Variants in CPD observed in about 807,000 individuals in gnomAD.
CPD encodes the protein metallocarboxypeptidase D.
Under a neutral mutation model 138.3 loss-of-function variants are expected in CPD, and 69 were observed. The ratio of observed to expected loss-of-function variants is 0.50; its 90% CI spans 0.41 to 0.61. The LOEUF (loss-of-function observed/expected upper bound fraction) is 0.61, where lower values mean the gene tolerates loss of function less well. CPD is among the 20% of genes least tolerant of loss of function. The pLI, the probability that CPD is intolerant of heterozygous loss-of-function variation, is 0.00. For missense variants in CPD, 1,432 were observed against 1,733.3 expected, an observed-to-expected ratio of 0.83 and a Z score of 3.09; for synonymous variants, 651 against 642.1, an observed-to-expected ratio of 1.01 and a Z score of -0.21.
intron 2 of CPD, among the ~76,000 whole-genome samples, chr17:30,399,297 G>T (rs981457331): frequency 5.9e-5 from 9 of 151,982 alleles, no homozygotes; most frequent in African/African-American, 1.9e-4. Flanking sequence ...TGCCATTGTT[G>T]GGTGGGGTAT....
chr17:30,454,598 C>G (rs1913242299), intron 14 of CPD: 1 of 153,616 alleles, frequency 6.5e-6, no homozygotes, highest in African/African-American at 2.4e-5. Context: ...TTACCCAGCT[C>G]CAAAGCTGCT....
chr17:30,392,042 C>T (rs2143323637), intron 2 of CPD, among the ~76,000 whole-genome samples: 1 of 145,508 alleles, frequency 6.9e-6, no homozygotes, highest in East Asian at 2.0e-4. Context: ...CAAAGTCTCA[C>T]TCTGTCACCC....
chr17:30,391,598 C>T (rs1338403007), intron 2 of CPD, among the ~76,000 whole-genome samples: 1 of 152,092 alleles, frequency 6.6e-6, no homozygotes, highest in East Asian at 1.9e-4. Flanking sequence ...AATGTAGTGG[C>T]AAAGAGAGAG....
chr17:30,395,724 T>A (rs1490101475), intron 2 of CPD, among the ~76,000 whole-genome samples: 10 of 145,134 alleles, frequency 6.9e-5, no homozygotes, highest in East Asian at 2.0e-4. Context: ...AGAGTACATT[T>A]AAAAAAAAAA....
chr17:30,456,236 C>A lies in CPD; in HGVS notation c.3338-20C>A. 1.3e-6 allele frequency: 2 copies of A among 1,582,880 alleles called. No homozygotes were observed. Among genetic ancestry groups the A allele is most frequent in the Non-Finnish European group, 1.7e-6 (2 of 1,159,166 alleles). On this transcript the variant is annotated intron_variant, in intron 15 of 20. Transcript: ENST00000225719. ...ATCATTTGGATTTCTCCACTGACTTCTAAATTTTTCTTTCTATAGTGGAAA... is the reference window on the plus strand; with the variant it reads ...ATCATTTGGATTTCTCCACTGACTTATAAATTTTTCTTTCTATAGTGGAAA...
At position 30,469,804 on chromosome 17, in the gene CPD, T is replaced by C. The variant is rs912600002; in HGVS notation, c.*4990T>C. 2 of 152,224 alleles carry C rather than the reference T, an allele frequency of 1.3e-5. No individual in the cohort carries two copies. The highest frequency in any genetic ancestry group is 2.9e-5 in the Non-Finnish European group (2 of 68,024). 9.4% of individuals were successfully genotyped at this position (152,224 alleles called of 1,614,324 possible). A position where few individuals can be genotyped will look rare whatever the true frequency, so the allele number is the denominator to read the frequency against. On this transcript the variant is annotated 3_prime_UTR_variant, in exon 21 of 21. Coordinates refer to ENST00000225719, the MANE Select transcript of CPD (RefSeq NM_001304.5). Reference sequence around the variant, plus strand: ...ACTTAACTGCTACAGGAAGTGTGAATAGTGATAACAGTTCTTTTTCTCTCA... The same window carrying C: ...ACTTAACTGCTACAGGAAGTGTGAACAGTGATAACAGTTCTTTTTCTCTCA...
intron 2 of CPD, among the ~76,000 whole-genome samples, chr17:30,388,019 A>G (rs1302013360): frequency 6.6e-6 from 1 of 152,124 alleles, no homozygotes; most frequent in Non-Finnish European, 1.5e-5. Context: ...GCACAAAGGA[A>G]CCCTGGAGTG....
chr17:30,445,428 G>T (rs1001143211), intron 11 of CPD, among the ~76,000 whole-genome samples: 1 of 152,000 alleles, frequency 6.6e-6, no homozygotes, highest in Non-Finnish European at 1.5e-5. Flanking sequence ...TGGTGCCACT[G>T]CACTCCAGCC....
chr17:30,416,292 A>G (rs561056156), intron 2 of CPD, among the ~76,000 whole-genome samples: 244 of 152,312 alleles, frequency 1.6e-3, no homozygotes, highest in Non-Finnish European at 3.0e-3. Context: ...AGATTGAGCC[A>G]TTGCACTCCA....
Position 30,422,776 on chromosome 17 carries a change from G to A in CPD, c.1410G>A (p.Thr470=), listed in dbSNP as rs760372082. The change falls in exon 5 of 21, where the codon ACG becomes ACA. Residue 470 remains threonine, a synonymous_variant. Coordinates refer to ENST00000225719, the MANE Select transcript of CPD (RefSeq NM_001304.5). ...RPTVTSVIPD[T]TEAVSTASTV... is the part of the protein sequence containing the mutation. ...CTGTAACTTCAGTAATCCCTGACAC[G>A]ACAGAGGCTGTATCAACTGCTAGCA... 2.8e-5 allele frequency: 45 copies of A among 1,613,870 alleles called. No homozygotes were observed. Among genetic ancestry groups the A allele is most frequent in the Admixed American group, 2.7e-4 (16 of 59,988 alleles).
At position 30,462,471 on chromosome 17, in the gene CPD, TAA is replaced by T; in HGVS notation, c.3916+4_3916+5del. 6.2e-7 allele frequency: 1 copy of T among 1,608,258 alleles called. No homozygotes were observed. Among genetic ancestry groups the T allele is most frequent in the South Asian group, 1.1e-5 (1 of 90,520 alleles). On this transcript the variant is annotated splice_donor_region_variant and intron_variant, in intron 20 of 20. Coordinates refer to ENST00000225719, the MANE Select transcript of CPD (RefSeq NM_001304.5). ...GGGAGCTTGTGGTAACTGTATCAGG[TAA>T]AGACATTTTGATTTTTAGTAGTAAA...
In CPD at chr17:30,443,885, T is replaced by A. The variant is rs1912946873; in HGVS notation, c.2457T>A (p.Ile819=). 1 of 1,613,890 alleles carries A rather than the reference T, an allele frequency of 6.2e-7. No homozygotes were observed. The highest frequency in any genetic ancestry group is 8.5e-7 in the Non-Finnish European group (1 of 1,179,894). ...ILNATISVAE[I]NHPVTTYKTG... ...ATGCCACCATTAGTGTTGCTGAGAT[T>A]AATCACCCAGTGACTACTTACAAAA... Residue 819 remains isoleucine (I), a synonymous_variant, in exon 11 of 21, where the codon ATT becomes ATA. Transcript: ENST00000225719.
chr17:30,395,891 T>G (rs1408164787), intron 2 of CPD, among the ~76,000 whole-genome samples: 2 of 152,118 alleles, frequency 1.3e-5, no homozygotes, highest in African/African-American at 2.4e-5. Flanking sequence ...GGAAATAGAT[T>G]TTCACAAGAT....
chr17:30,389,062 T>C (rs748327987), intron 2 of CPD, among the ~76,000 whole-genome samples: 1 of 152,170 alleles, frequency 6.6e-6, no homozygotes, highest in African/African-American at 2.4e-5. Context: ...CAGCTCCGCA[T>C]AGGGGTTCCT....
rs140017330 is a variant in CPD, at chr17:30,469,242, A to C, written c.*4428A>C. ...AAATGGAAATAGGTTATATTTCAAT[A>C]GTGATTGGTTCATCTAAAAGTCTCT... On this transcript the variant is annotated 3_prime_UTR_variant, in exon 21 of 21. Transcript: ENST00000225719. The C allele has an allele frequency of 7.7e-4, 117 of 152,350 alleles. No homozygotes were observed. Among genetic ancestry groups the C allele is most frequent in the African/African-American group, 2.7e-3 (114 of 41,584 alleles). 9.4% of individuals were successfully genotyped at this position (152,350 alleles called of 1,614,324 possible).
intron 2 of CPD, among the ~76,000 whole-genome samples, chr17:30,397,278 C>G (rs922608704): frequency 6.6e-6 from 1 of 151,994 alleles, no homozygotes; most frequent in Non-Finnish European, 1.5e-5. Context: ...ATACTTAGAG[C>G]ATTACAGTCA....
At chr17:30,386,993 T>C (rs1211128617) in intron 2 of CPD, among the ~76,000 whole-genome samples, 11 of 152,360 alleles carry the variant, frequency 7.2e-5, no homozygotes, top group Middle Eastern at 3.4e-3. Context: ...CTGGGTCAAA[T>C]GGTAATTCTA....
intron 2 of CPD, among the ~76,000 whole-genome samples, chr17:30,409,108 G>A (rs1264184917): frequency 1.0e-5 from 1 of 99,308 alleles, no homozygotes; most frequent in East Asian, 3.0e-4. Context: ...TATCTATTGA[G>A]ATAATCATGT....
intron 7 of CPD, 57 bp downstream of exon 7, chr17:30,427,615 G>A: frequency 1.3e-6 from 2 of 1,499,910 alleles, no homozygotes; most frequent in Non-Finnish European, 1.8e-6. Context: ...TGGAAATCCT[G>A]GTGGAATTTT....
Sources: gnomAD v4.1 joint callset for allele counts (sites outside exome capture counted in the v4.1 genomes callset) on GRCh38, gnomAD v4.1.1 for gene constraint, MANE v1.5 for transcripts, NCBI Gene and HGNC (gene_info 2026-07-23, HGNC 2026-07-21) for gene names.